The following MGAT4C variants were observed in gnomAD, a reference collection of about 807,000 sequenced individuals.
MGAT4C encodes the protein MGAT4 family member C.
Under a neutral mutation model 40.1 loss-of-function variants are expected in MGAT4C, and 19 were observed. The observed-to-expected ratio is 0.47, with a 90% CI of 0.33 to 0.70. MGAT4C has a LOEUF of 0.70. Ranked by LOEUF, MGAT4C falls within the 30% of genes least tolerant of loss-of-function variation. The pLI is 0.02. For synonymous variants in MGAT4C, 181 were observed against 187.1 expected, an observed-to-expected ratio of 0.97 and a Z score of 0.27; for missense variants, 491 against 563.2, an observed-to-expected ratio of 0.87 and a Z score of 1.30.
chr12:86,764,724 G>A (rs948939839), intron 1 of MGAT4C, among the ~76,000 whole-genome samples: 2 of 152,128 alleles, frequency 1.3e-5, no homozygotes, highest in African/African-American at 4.8e-5. Context: ...CCGCTGTTCT[G>A]CAGCCACCAC....
chr12:86,824,139 C>T (rs1952757198), intron 1 of MGAT4C, among the ~76,000 whole-genome samples: 2 of 151,320 alleles, frequency 1.3e-5, no homozygotes, highest in Admixed American at 1.3e-4. Flanking sequence ...GAGTGGCTGT[C>T]TCAGATCATC....
chr12:86,235,776 T>C (rs2136028316), intron 1 of MGAT4C, among the ~76,000 whole-genome samples: 1 of 152,220 alleles, frequency 6.6e-6, no homozygotes, highest in African/African-American at 2.4e-5. Context: ...GAGTAGATAC[T>C]TGCTTCCTTC....
At chr12:86,228,380 A>T (rs79658685) in intron 1 of MGAT4C, among the ~76,000 whole-genome samples, 3,904 of 151,966 alleles carry the variant, frequency 0.026, 87 homozygotes, top group Non-Finnish European at 0.043. Flanking sequence ...CCTTATATCT[A>T]TATATTTGAT....
intron 1 of MGAT4C, among the ~76,000 whole-genome samples, chr12:86,142,319 T>C (rs150688352): frequency 6.6e-6 from 1 of 152,194 alleles, no homozygotes; most frequent in African/African-American, 2.4e-5. Flanking sequence ...TGGAGCTTCC[T>C]GCCTAGGTTC....
At position 86,340,128 on chromosome 12, in the gene MGAT4C, C is replaced by T. The variant is rs1198062595; in HGVS notation, c.-119-6001G>A. On this transcript the variant is annotated intron_variant, in intron 3 of 7. Coordinates refer to the MGAT4C transcript ENST00000548651. ...TCTCCAGATTAGCTTTTATAAATAA[C>T]AGAAGAGTTCATTTTGCTTCATGTG... 2.0e-5 allele frequency among the ~76,000 whole-genome samples: 3 copies of T among 152,146 alleles called. No individual in the cohort carries two copies. In the East Asian group the frequency reaches 5.8e-4, roughly 29 times the overall value.
chr12:86,132,595 T>C (rs933604117), intron 1 of MGAT4C, among the ~76,000 whole-genome samples: 5 of 151,908 alleles, frequency 3.3e-5, no homozygotes, highest in Non-Finnish European at 5.9e-5. Context: ...AGATCGAGAC[T>C]ATCCTGGCTA....
Position 86,326,173 on chromosome 12 carries a change from T to A in MGAT4C, c.-57+7892A>T, listed in dbSNP as rs547238055. Among the ~76,000 whole-genome samples the A allele has an allele frequency of 5.7e-3, 874 of 152,162 alleles. 5 individuals are homozygous for A. The highest frequency in any genetic ancestry group is 0.01 in the Non-Finnish European group (680 of 67,984). ...TATTAAGCGGCCAACAAATATTTAT[T>A]TTTTACCCTGTCACTCAGCTGAAGA... On this transcript the variant is annotated intron_variant, in intron 4 of 7. Transcript: ENST00000548651.
intron 2 of MGAT4C, among the ~76,000 whole-genome samples, chr12:86,004,104 TA>T (rs1259686683): frequency 2.6e-5 from 4 of 152,260 alleles, no homozygotes; most frequent in African/African-American, 7.2e-5. Context: ...AAAGGGACCC[TA>T]AAAAATGTCA....
intron 1 of MGAT4C, among the ~76,000 whole-genome samples, chr12:86,072,574 A>G (rs1868769190): frequency 6.6e-6 from 1 of 152,102 alleles, no homozygotes; most frequent in Non-Finnish European, 1.5e-5. Context: ...TTCACCTCAT[A>G]TATTTTAAAC....
At chr12:86,442,122 G>A (rs1021190201) in intron 2 of MGAT4C, among the ~76,000 whole-genome samples, 2 of 152,062 alleles carry the variant, frequency 1.3e-5, no homozygotes, top group Admixed American at 6.6e-5. Flanking sequence ...TCATGTGTCT[G>A]TTGGCTGCAT....
chr12:85,963,158 A>T lies in MGAT4C; in HGVS notation c.*16131T>A, dbSNP rs931266170. On this transcript the variant is annotated 3_prime_UTR_variant, in exon 5 of 5. Coordinates refer to ENST00000611864, the MANE Select transcript of MGAT4C (RefSeq NM_001351288.2). ...ACTAGTTTAATTACTTGGGTGCTTT[A>T]AATGTTTTTTGGAGGCTATTACAAA... is the stretch of plus-strand genomic sequence containing the variant. 1 of 152,004 alleles carries T rather than the reference A, an allele frequency of 6.6e-6. No individual in the cohort carries two copies. Among genetic ancestry groups the T allele is most frequent in the African/African-American group, 2.4e-5 (1 of 41,456 alleles). The allele number at this position is 152,004 out of a possible 1,614,324, so 9.4% of individuals were successfully genotyped here. A position where few individuals can be genotyped will look rare whatever the true frequency, so the allele number is the denominator to read the frequency against.
intron 2 of MGAT4C, among the ~76,000 whole-genome samples, chr12:86,683,708 A>G (rs1950022931): frequency 6.6e-6 from 1 of 152,104 alleles, no homozygotes; most frequent in Non-Finnish European, 1.5e-5. Flanking sequence ...CACTCTCCCA[A>G]TCCCTTGAGA....
At chr12:86,182,393 A>T (rs1386225474) in intron 1 of MGAT4C, among the ~76,000 whole-genome samples, 2 of 152,174 alleles carry the variant, frequency 1.3e-5, no homozygotes, top group Non-Finnish European at 2.9e-5. Context: ...ATGCAACTGA[A>T]TTCTTATTAG....
At chr12:86,180,399 TAAG>T (rs1015764804) in intron 1 of MGAT4C, among the ~76,000 whole-genome samples, 4 of 152,158 alleles carry the variant, frequency 2.6e-5, no homozygotes, top group Non-Finnish European at 4.4e-5. Flanking sequence ...AATGGAGCTG[TAAG>T]AAGAAGATGC....
At chr12:86,501,652 T>A (rs1958345213) in intron 2 of MGAT4C, among the ~76,000 whole-genome samples, 1 of 152,104 alleles carries the variant, frequency 6.6e-6, no homozygotes, top group Non-Finnish European at 1.5e-5. Flanking sequence ...GGTTCATCCA[T>A]GTCCCTGCAA....
At chr12:86,252,244 T>G (rs1952322327) in intron 1 of MGAT4C, among the ~76,000 whole-genome samples, 1 of 152,052 alleles carries the variant, frequency 6.6e-6, no homozygotes, top group Admixed American at 6.6e-5. Context: ...TTTACTGTCT[T>G]ATTCTGCATA....
chr12:86,746,497 G>C (rs1281586479), intron 1 of MGAT4C, among the ~76,000 whole-genome samples: 1 of 151,576 alleles, frequency 6.6e-6, no homozygotes, highest in Non-Finnish European at 1.5e-5. Context: ...CCACTTCTCT[G>C]TCATTCTGAC....
chr12:86,815,009 C>T (rs559830570), intron 1 of MGAT4C, among the ~76,000 whole-genome samples: 1 of 152,102 alleles, frequency 6.6e-6, no homozygotes, highest in South Asian at 2.1e-4. Flanking sequence ...AAAAATGAGA[C>T]TCTTTAAAAT....
chr12:86,531,853 A>T, intron 2 of MGAT4C, among the ~76,000 whole-genome samples: 1 of 151,982 alleles, frequency 6.6e-6, no homozygotes, highest in East Asian at 1.9e-4. Flanking sequence ...TAACTTTAAA[A>T]TTAAAAAATA....
Sources: gnomAD v4.1 joint callset for allele counts (sites outside exome capture counted in the v4.1 genomes callset) on GRCh38, gnomAD v4.1.1 for gene constraint, MANE v1.5 for transcripts, NCBI Gene and HGNC (gene_info 2026-07-23, HGNC 2026-07-21) for gene names.